The following ULK4 variants were observed in gnomAD, a reference collection of about 807,000 sequenced individuals.
ULK4 encodes unc-51 like kinase 4, also known as inactive serine/threonine-protein kinase ULK4.
Under a neutral mutation model 160.6 loss-of-function variants are expected in ULK4, and 133 were observed. The observed-to-expected ratio is 0.83, with a 90% CI of 0.72 to 0.96. The LOEUF (loss-of-function observed/expected upper bound fraction) is 0.96. Among genes scored for constraint, ULK4 ranks in the 40% least tolerant of loss-of-function variants. ULK4 has a pLI of 0.00. For synonymous variants in ULK4, 534 were observed against 539.8 expected, an observed-to-expected ratio of 0.99 and a Z score of 0.15; for missense variants, 1,580 against 1,499.5, an observed-to-expected ratio of 1.05 and a Z score of -0.89.
At chr3:41,527,702 C>T (rs373649125) in intron 32 of ULK4, among the ~76,000 whole-genome samples, 105 of 152,274 alleles carry the variant, frequency 6.9e-4, no homozygotes, top group African/African-American at 2.4e-3. Context: ...TGTATCCTCA[C>T]AATAATACCT....
intron 35 of ULK4, among the ~76,000 whole-genome samples, chr3:41,300,837 T>TTACATA (rs1553640530): frequency 1.2e-4 from 7 of 57,876 alleles, no homozygotes; most frequent in African/African-American, 2.7e-4. Context: ...ATTTTACAGA[T>TTACATA]TATATATATA....
chr3:41,748,061 T>G (rs749314497), intron 22 of ULK4, among the ~76,000 whole-genome samples: 1 of 151,974 alleles, frequency 6.6e-6, no homozygotes, highest in Non-Finnish European at 1.5e-5. Context: ...ATTTTTATAA[T>G]TGTACATTTT....
In ULK4 at chr3:41,563,553, G is replaced by A. The variant is rs141097530; in HGVS notation, c.3226+2472C>T. 2.1e-3 allele frequency among the ~76,000 whole-genome samples: 316 copies of A among 152,126 alleles called. 2 individuals are homozygous for A. The highest frequency in any genetic ancestry group is 0.014 in the East Asian group (71 of 5,176). On this transcript the variant is annotated intron_variant, in intron 32 of 36. Transcript: ENST00000301831. ...CCCATATTTCTTGGAGGCTTTGTTC[G>A]TTTCTTTTTACTCTTTTTTCTCTAA...
intron 30 of ULK4, among the ~76,000 whole-genome samples, chr3:41,660,693 C>A (rs2035121320): frequency 6.6e-6 from 1 of 152,142 alleles, no homozygotes; most frequent in Non-Finnish European, 1.5e-5. Context: ...TGCTCTTGAT[C>A]CCCTTGACCT....
intron 35 of ULK4, among the ~76,000 whole-genome samples, chr3:41,296,878 AGG>A (rs2079679353): frequency 6.6e-6 from 1 of 151,788 alleles, no homozygotes; most frequent in Non-Finnish European, 1.5e-5. Context: ...CTGGAGAGGA[AGG>A]GGAGAGGGAT....
At chr3:41,476,481 C>T (rs2084147279) in intron 32 of ULK4, among the ~76,000 whole-genome samples, 1 of 152,174 alleles carries the variant, frequency 6.6e-6, no homozygotes, top group Non-Finnish European at 1.5e-5. Context: ...AGAGTTAAGA[C>T]TTTCCAAGAG....
intron 35 of ULK4, among the ~76,000 whole-genome samples, chr3:41,256,336 A>C (rs1044182258): frequency 6.6e-6 from 1 of 152,228 alleles, no homozygotes; most frequent in African/African-American, 2.4e-5. Flanking sequence ...CCCAACTTTA[A>C]GAGGCACTAC....
chr3:41,907,186 G>A (rs1183376453), intron 12 of ULK4, among the ~76,000 whole-genome samples: 1 of 152,184 alleles, frequency 6.6e-6, no homozygotes, highest in Admixed American at 6.5e-5. Context: ...GGTGGCGGGG[G>A]CAGTGACTGC....
intron 29 of ULK4, among the ~76,000 whole-genome samples, chr3:41,671,996 A>G (rs532904221): frequency 6.6e-6 from 1 of 152,316 alleles, no homozygotes; most frequent in East Asian, 1.9e-4. Flanking sequence ...TCACTTCATC[A>G]GGGAAATGCA....
intron 32 of ULK4, among the ~76,000 whole-genome samples, chr3:41,470,208 A>G (rs1015002130): frequency 3.9e-5 from 6 of 152,136 alleles, no homozygotes; most frequent in African/African-American, 1.2e-4. Flanking sequence ...AGATGAAGAA[A>G]ATATGCTAAT....
At chr3:41,830,978 A>G (rs2041560127) in intron 18 of ULK4, among the ~76,000 whole-genome samples, 3 of 151,916 alleles carry the variant, frequency 2.0e-5, no homozygotes, top group African/African-American at 7.3e-5. Flanking sequence ...TTGGCACATA[A>G]TGTACATCGC....
Position 41,439,457 on chromosome 3 carries a change from C to A in ULK4, c.3492+16040G>T, listed in dbSNP as rs560367534. Among the ~76,000 whole-genome samples, 4 of 151,940 alleles carry A rather than the reference C, an allele frequency of 2.6e-5. No homozygotes were observed. In the East Asian group the frequency reaches 5.8e-4, roughly 22 times the overall value. On this transcript the variant is annotated intron_variant, in intron 34 of 36. Transcript: ENST00000301831. ...CAAAATGACCACTAGGTGAATTCAC[C>A]CAGAAAGAAATGAAAATAATAAAGC... is the stretch of plus-strand genomic sequence containing the variant.
At chr3:41,834,766 A>ATG in intron 18 of ULK4, among the ~76,000 whole-genome samples, 1 of 152,294 alleles carries the variant, frequency 6.6e-6, no homozygotes, top group Non-Finnish European at 1.5e-5. Context: ...AATTACAGTC[A>ATG]TGTACAGTGG....
chr3:41,696,119 C>T (rs374139125), intron 27 of ULK4, among the ~76,000 whole-genome samples: 33 of 152,156 alleles, frequency 2.2e-4, no homozygotes, highest in Middle Eastern at 3.4e-3. Flanking sequence ...TCCCTTTCCC[C>T]GGGGGAGTTT....
At chr3:41,357,681 G>A (rs1448488935) in intron 35 of ULK4, among the ~76,000 whole-genome samples, 2 of 152,166 alleles carry the variant, frequency 1.3e-5, no homozygotes, top group East Asian at 3.9e-4. Context: ...ACACATTCAT[G>A]AAATGGTAAC....
intron 21 of ULK4, among the ~76,000 whole-genome samples, chr3:41,764,723 A>C (rs886085204): frequency 6.6e-5 from 10 of 152,268 alleles, no homozygotes; most frequent in Admixed American, 5.2e-4. Flanking sequence ...CCTGGCTTCA[A>C]ATGCCACATT....
intron 30 of ULK4, among the ~76,000 whole-genome samples, chr3:41,645,449 T>C (rs1379483901): frequency 1.3e-5 from 2 of 151,898 alleles, no homozygotes; most frequent in African/African-American, 4.9e-5. Context: ...TTTCGTTATG[T>C]ACCCAGTAGT....
chr3:41,715,278 C>T lies in ULK4; in HGVS notation c.2593G>A (p.Val865Ile), dbSNP rs761821221. 1 of 1,613,744 alleles carries T rather than the reference C, an allele frequency of 6.2e-7. No homozygotes were observed. The highest frequency in any genetic ancestry group is 8.5e-7 in the Non-Finnish European group (1 of 1,179,986). Residue 865 changes from valine to isoleucine, a missense_variant, in exon 25 of 37, where the codon GTT (valine) becomes ATT (isoleucine). Val to Ile is a conservative substitution (Grantham distance 29). Transcript: ENST00000301831. ...LVTSQVFRPQ[V>I]VTEEFLFSYG... is the part of the protein sequence containing the mutation. Reference sequence around the variant, plus strand: ...CTGAAAAGAAACTCTTCTGTCACAACTTGAGGTCGAAATACCTGTGTGATG... The same window carrying T: ...CTGAAAAGAAACTCTTCTGTCACAATTTGAGGTCGAAATACCTGTGTGATG...
intron 35 of ULK4, among the ~76,000 whole-genome samples, chr3:41,396,499 T>A (rs1463472110): frequency 6.6e-6 from 1 of 152,134 alleles, no homozygotes. Context: ...TCTCTAGTAC[T>A]TGTCTTCAGA....
Sources: gnomAD v4.1 joint callset for allele counts (sites outside exome capture counted in the v4.1 genomes callset) on GRCh38, gnomAD v4.1.1 for gene constraint, MANE v1.5 for transcripts, NCBI Gene and HGNC (gene_info 2026-07-23, HGNC 2026-07-21) for gene names.